Variants in SHTN1 observed in about 807,000 individuals in gnomAD.
SHTN1 encodes shootin 1, also known as shootin-1.
A neutral mutation model predicts 83.1 loss-of-function variants in SHTN1; 42 were observed. That is an observed-to-expected ratio of 0.51 (90% CI 0.39 to 0.65). The LOEUF (loss-of-function observed/expected upper bound fraction) is 0.65. SHTN1 is among the 30% of genes least tolerant of loss of function. The probability of loss-of-function intolerance (pLI) is 0.00; values close to 1 mark genes in which losing one functional copy is unlikely to be tolerated. For synonymous variants in SHTN1, 224 were observed against 247.7 expected, an observed-to-expected ratio of 0.90 and a Z score of 0.90; for missense variants, 622 against 737.8, an observed-to-expected ratio of 0.84 and a Z score of 1.82.
At chr10:116,965,120 T>C (rs1402959124) in intron 3 of SHTN1, among the ~76,000 whole-genome samples, 6 of 152,138 alleles carry the variant, frequency 3.9e-5, no homozygotes, top group African/African-American at 9.7e-5. Flanking sequence ...AAAAATGACA[T>C]GGACATATGG....
At chr10:117,066,882 G>A (rs1234159294) in intron 1 of SHTN1, among the ~76,000 whole-genome samples, 1 of 152,160 alleles carries the variant, frequency 6.6e-6, no homozygotes, top group Non-Finnish European at 1.5e-5. Context: ...TCTTATCTGT[G>A]AAATAAAAGC....
At chr10:117,067,449 G>T (rs949166525) in intron 1 of SHTN1, among the ~76,000 whole-genome samples, 1 of 152,130 alleles carries the variant, frequency 6.6e-6, no homozygotes, top group Non-Finnish European at 1.5e-5. Flanking sequence ...ACAAAAATTA[G>T]CCAGACGTGG....
chr10:117,108,893 A>G (rs1253712969), intron 1 of SHTN1, among the ~76,000 whole-genome samples: 1 of 152,066 alleles, frequency 6.6e-6, no homozygotes, highest in Admixed American at 6.6e-5. Flanking sequence ...AGCTGTATAT[A>G]TTGGGCAAAT....
intron 1 of SHTN1, among the ~76,000 whole-genome samples, chr10:117,095,646 A>G (rs1203331816): frequency 6.6e-6 from 1 of 152,236 alleles, no homozygotes; most frequent in African/African-American, 2.4e-5. Flanking sequence ...ACAAAAATAT[A>G]TAACAGGACA....
chr10:116,978,691 T>C (rs1850901346), intron 2 of SHTN1, among the ~76,000 whole-genome samples: 1 of 152,056 alleles, frequency 6.6e-6, no homozygotes, highest in Non-Finnish European at 1.5e-5. Context: ...GTAAGTAGAA[T>C]TCAATTATTT....
chr10:116,985,867 T>G (rs1851200983), intron 1 of SHTN1, among the ~76,000 whole-genome samples: 1 of 152,242 alleles, frequency 6.6e-6, no homozygotes. Flanking sequence ...TGGGTCGTCC[T>G]CTTATAGCCA....
In SHTN1 at chr10:116,997,999, G is replaced by T. The variant is rs543406400; in HGVS notation, c.58+7023C>A. Among the ~76,000 whole-genome samples the T allele has an allele frequency of 9.3e-4, 142 of 152,306 alleles. 5 individuals carry two copies. The South Asian group carries it at 0.029, about 31-fold the overall frequency. On this transcript the variant is annotated intron_variant, in intron 1 of 16. Transcript: ENST00000355371. ...CCCAGCTACTCGGGAGGCAGAGGCAGGAGAATGGTGTGAACCTGGGAGGCG... is the reference window on the plus strand; with the variant it reads ...CCCAGCTACTCGGGAGGCAGAGGCATGAGAATGGTGTGAACCTGGGAGGCG...
chr10:116,930,674 T>C (rs1002993089), intron 9 of SHTN1, among the ~76,000 whole-genome samples: 3 of 152,210 alleles, frequency 2.0e-5, no homozygotes, highest in African/African-American at 4.8e-5. Flanking sequence ...CTGTTGCATA[T>C]AGTGCTGCGA....
At chr10:116,892,234 C>T (rs1209889073) in intron 16 of SHTN1, among the ~76,000 whole-genome samples, 1 of 152,124 alleles carries the variant, frequency 6.6e-6, no homozygotes, top group Non-Finnish European at 1.5e-5. Flanking sequence ...TTATCTTATT[C>T]CTCTAGTGCA....
rs140823477 is a variant in SHTN1, at chr10:116,984,698, T to C, written c.59-5390A>G. Among the ~76,000 whole-genome samples the C allele has an allele frequency of 1.3e-3, 195 of 152,298 alleles. 1 individual carries two copies. The highest frequency in any genetic ancestry group is 4.4e-3 in the African/African-American group (182 of 41,560). ...ATCTCTGCCCTTAGACCCTCAATAA[T>C]GACAAAACCCTCCTATCTAGTTCTA... On this transcript the variant is annotated intron_variant, in intron 1 of 16. Coordinates refer to ENST00000355371, the MANE Select transcript of SHTN1 (RefSeq NM_001127211.3).
At chr10:116,924,324 G>A (rs551807095) in intron 11 of SHTN1, among the ~76,000 whole-genome samples, 9 of 149,760 alleles carry the variant, frequency 6.0e-5, no homozygotes, top group African/African-American at 2.3e-4. Context: ...CTCGCCTCTC[G>A]TTCTGTGAGA....
At chr10:117,065,779 A>C (rs1245081461) in intron 1 of SHTN1, among the ~76,000 whole-genome samples, 1 of 22,486 alleles carries the variant, frequency 4.4e-5, no homozygotes, top group Non-Finnish European at 9.5e-5. Context: ...AAAGAAAGAA[A>C]GAAAGGAAGG....
At chr10:116,953,979 G>C in intron 5 of SHTN1, 63 bp downstream of exon 5, 11 of 1,323,204 alleles carry the variant, frequency 8.3e-6, no homozygotes, top group Non-Finnish European at 9.4e-6. Flanking sequence ...GTGCAGTCAG[G>C]GTTCAGAAGC....
intron 1 of SHTN1, among the ~76,000 whole-genome samples, chr10:117,078,641 C>T (rs1211894848): frequency 3.9e-5 from 6 of 152,150 alleles, no homozygotes. Flanking sequence ...GAATTGTTTG[C>T]AGCACATTAC....
Position 117,065,764 on chromosome 10 carries a change from GAAA to G in SHTN1, c.-188-17257_-188-17255del, listed in dbSNP as rs1314009904. On this transcript the variant is annotated intron_variant, in intron 1 of 17. Coordinates refer to the SHTN1 transcript ENST00000392901. ...AGAAAGAAAGAAAGAAAGAAAGAAA[GAAA>G]GAAAGAAAGAAAGAAAGGAAGGAAG... 1.3e-4 allele frequency among the ~76,000 whole-genome samples: 6 copies of G among 47,350 alleles called. 1 individual carries two copies. The East Asian group carries it at 3.8e-3, about 30-fold the overall frequency. The allele number at this position is 47,350 out of a possible 152,430, so 31.1% of individuals were successfully genotyped here.
intron 1 of SHTN1, among the ~76,000 whole-genome samples, chr10:117,077,605 T>A (rs1286114414): frequency 6.6e-6 from 1 of 152,056 alleles, no homozygotes; most frequent in East Asian, 1.9e-4. Flanking sequence ...ATTAGGTATA[T>A]CTCCTAATGC....
At chr10:117,116,624 C>T (rs1337680276) in intron 1 of SHTN1, among the ~76,000 whole-genome samples, 4 of 152,042 alleles carry the variant, frequency 2.6e-5, no homozygotes, top group African/African-American at 9.7e-5. Context: ...AAACTAAAGG[C>T]CAATATCATT....
At chr10:117,117,939 C>A (rs1410353817) in intron 1 of SHTN1, among the ~76,000 whole-genome samples, 1 of 152,038 alleles carries the variant, frequency 6.6e-6, no homozygotes, top group East Asian at 1.9e-4. Flanking sequence ...TATTAAACTA[C>A]CAAAAGAAAA....
intron 6 of SHTN1, among the ~76,000 whole-genome samples, chr10:116,951,047 G>C (rs905813499): frequency 2.6e-5 from 4 of 152,166 alleles, no homozygotes; most frequent in African/African-American, 9.7e-5. Context: ...ATTAAATCCA[G>C]AATCAAGACT....
Sources: allele counts gnomAD v4.1 joint callset (sites outside exome capture counted in the v4.1 genomes callset), GRCh38; gene constraint gnomAD v4.1.1; transcripts MANE v1.5; gene names NCBI Gene and HGNC (gene_info 2026-07-23, HGNC 2026-07-21).